CPAMD8: variants seen among roughly 807,000 people sequenced by gnomAD.
CPAMD8 encodes the protein C3 and PZP like alpha-2-macroglobulin domain containing 8, also known as C3 and PZP-like alpha-2-macroglobulin domain-containing protein 8.
CPAMD8 carries 146 observed loss-of-function variants against 224.7 expected under a neutral mutation model. That is an observed-to-expected ratio of 0.65 (90% CI 0.57 to 0.75). The LOEUF is 0.75. CPAMD8 is among the 30% of genes least tolerant of loss of function. The probability of loss-of-function intolerance (pLI) is 0.00; values close to 1 mark genes in which losing one functional copy is unlikely to be tolerated. For synonymous variants in CPAMD8, 966 were observed against 1,044.6 expected, an observed-to-expected ratio of 0.92 and a Z score of 1.45; for missense variants, 2,301 against 2,537.5, an observed-to-expected ratio of 0.91 and a Z score of 2.00.
At chr19:17,008,408 G>C in intron 7 of CPAMD8, 97 bp downstream of exon 7, 2 of 1,429,926 alleles carry the variant, frequency 1.4e-6, no homozygotes, top group Non-Finnish European at 1.9e-6. Flanking sequence ...AGCAGCAGTG[G>C]GGGTACATTA....
At chr19:16,894,506 C>A (rs544947582) in intron 41 of CPAMD8, 1 of 455,888 alleles carries the variant, frequency 2.2e-6, no homozygotes, top group Admixed American at 2.3e-5. Context: ...ACACCCCTTT[C>A]CTGAACCCAA....
chr19:16,974,301 G>A (rs1472120555), intron 17 of CPAMD8, among the ~76,000 whole-genome samples: 2 of 151,894 alleles, frequency 1.3e-5, no homozygotes, highest in Non-Finnish European at 2.9e-5. Flanking sequence ...TTTTAAGATG[G>A]GTAAACTGGA....
intron 27 of CPAMD8, among the ~76,000 whole-genome samples, chr19:16,920,053 G>A (rs556425898): frequency 6.6e-6 from 1 of 152,318 alleles, no homozygotes; most frequent in South Asian, 2.1e-4. Context: ...GGGTGCTGCT[G>A]CCACTGCCCT....
At chr19:16,981,981 G>T (rs960307168) in intron 13 of CPAMD8, among the ~76,000 whole-genome samples, 5 of 152,150 alleles carry the variant, frequency 3.3e-5, no homozygotes, top group African/African-American at 1.2e-4. Flanking sequence ...TCTGGCCAGG[G>T]GCCATGGCTC....
chr19:16,908,247 T>G (rs921194190), intron 29 of CPAMD8, among the ~76,000 whole-genome samples: 1 of 151,524 alleles, frequency 6.6e-6, no homozygotes, highest in Non-Finnish European at 1.5e-5. Context: ...TAATCCAAGC[T>G]ATTCAGAAGG....
rs2052379722 is a variant in CPAMD8 at position 16,904,237 on chromosome 19, A to G, written c.4240T>C (p.Ser1414Pro). Residue 1414 changes from serine (S) to proline (P), a missense_variant, in exon 32 of 42, where the codon TCC becomes CCC. Physicochemically the swap from Ser to Pro is moderately conservative, Grantham distance 74. Coordinates refer to ENST00000443236, the MANE Select transcript of CPAMD8 (RefSeq NM_015692.5). Reference sequence around the variant, plus strand: ...CCTGCCCGGCTCGCCTGAGTGGAGGAGAAGCCCCCAAGTGCATTTCGCTGC... The same window carrying G: ...CCTGCCCGGCTCGCCTGAGTGGAGGGGAAGCCCCCAAGTGCATTTCGCTGC... ...SQQRNALGGF[S>P]STQDTCVALQ... 1 of 1,338,600 alleles carries G rather than the reference A, an allele frequency of 7.5e-7. No individual in the cohort carries two copies. Among genetic ancestry groups the G allele is most frequent in the East Asian group, 4.9e-5 (1 of 20,552 alleles). 82.9% of individuals were successfully genotyped at this position (1,338,600 alleles called of 1,614,324 possible).
chr19:16,923,040 G>A (rs931444622), intron 26 of CPAMD8, among the ~76,000 whole-genome samples: 6 of 152,230 alleles, frequency 3.9e-5, no homozygotes, highest in Non-Finnish European at 5.9e-5. Context: ...GTCCCCAGGC[G>A]TGGGGGCTGC....
At chr19:16,973,064 G>A (rs1435301270) in intron 17 of CPAMD8, among the ~76,000 whole-genome samples, 1 of 152,070 alleles carries the variant, frequency 6.6e-6, no homozygotes, top group Admixed American at 6.6e-5. Flanking sequence ...AGCTACTCAG[G>A]AGGCTGAGGC....
chr19:17,001,496 G>A (rs989572265), intron 9 of CPAMD8, among the ~76,000 whole-genome samples: 23 of 151,834 alleles, frequency 1.5e-4, no homozygotes, highest in African/African-American at 5.6e-4. Context: ...TCTTTGGGGA[G>A]GGGAGACCCT....
chr19:16,956,335 C>G (rs2054471680), intron 19 of CPAMD8, among the ~76,000 whole-genome samples: 1 of 152,162 alleles, frequency 6.6e-6, no homozygotes, highest in Non-Finnish European at 1.5e-5. Flanking sequence ...TCAGCTTGGG[C>G]CCTACATTGA....
At position 16,929,200 on chromosome 19, in the gene CPAMD8, C is replaced by T. The variant is rs760087528; in HGVS notation, c.2886G>A (p.Gln962=). The stretch of plus-strand genomic sequence containing the variant: ...TGAGGCGCAGTGGCCGCTGCACATA[C>T]TGGAACTCATACTTGTTGGGGGTGG... The part of the protein sequence containing the change: ...HISTPNKYEF[Q]YVQRPLRLTR... Residue 962 remains glutamine (Q), a synonymous_variant, in exon 24 of 42, where the codon CAG becomes CAA. Transcript: ENST00000443236. The T allele has an allele frequency of 2.6e-5, 42 of 1,611,388 alleles. No individual in the cohort carries two copies. The South Asian group carries it at 4.6e-4, about 18-fold the overall frequency.
intron 26 of CPAMD8, among the ~76,000 whole-genome samples, chr19:16,922,362 G>A (rs558549802): frequency 1.3e-5 from 2 of 149,740 alleles, no homozygotes; most frequent in South Asian, 4.3e-4. Context: ...TGGAGTCCCT[G>A]GAACCGCAGC....
Position 16,914,407 on chromosome 19 carries a change from A to G in CPAMD8, c.3861+17T>C, listed in dbSNP as rs1599687081. 6.2e-7 allele frequency: 1 copy of G among 1,612,556 alleles called. No individual in the cohort carries two copies. Among genetic ancestry groups the G allele is most frequent in the Non-Finnish European group, 8.5e-7 (1 of 1,178,876 alleles). ...AGTGCCCAGCCCCGAGTCTCCCCAA[A>G]CCCCTTCTGTACTCACCTCTGAGGC... On this transcript the variant is annotated intron_variant, in intron 29 of 41. Transcript: ENST00000443236.
At chr19:16,937,899 C>T (rs545660934) in intron 23 of CPAMD8, among the ~76,000 whole-genome samples, 39 of 152,268 alleles carry the variant, frequency 2.6e-4, no homozygotes, top group Admixed American at 9.8e-4. Context: ...GTGATCCACC[C>T]GCCTCGGCCT....
intron 26 of CPAMD8, among the ~76,000 whole-genome samples, chr19:16,923,225 A>G (rs1343940512): frequency 6.6e-6 from 1 of 152,218 alleles, no homozygotes; most frequent in Non-Finnish European, 1.5e-5. Context: ...GTGGCGTGTG[A>G]GTAGGAGAAG....
At chr19:16,927,899 C>T in intron 25 of CPAMD8, 110 bp downstream of exon 25, 4 of 771,954 alleles carry the variant, frequency 5.2e-6, no homozygotes, top group Non-Finnish European at 9.0e-6. Flanking sequence ...TATGGGTGGA[C>T]ACCCCAAGAC....
At chr19:16,967,894 T>C (rs559597625) in intron 18 of CPAMD8, among the ~76,000 whole-genome samples, 3,097 of 16,486 alleles carry the variant, frequency 0.19, 331 homozygotes, top group African/African-American at 0.21. Flanking sequence ...CACACACATG[T>C]GTGTGTATAT....
intron 10 of CPAMD8, among the ~76,000 whole-genome samples, chr19:16,999,408 G>T (rs536467498): frequency 7.9e-5 from 12 of 151,492 alleles, no homozygotes; most frequent in Non-Finnish European, 1.5e-4. Flanking sequence ...GTGAAACCCC[G>T]TCTCTACTAA....
At chr19:16,991,136 A>T (rs2055935673) in intron 12 of CPAMD8, among the ~76,000 whole-genome samples, 2 of 152,026 alleles carry the variant, frequency 1.3e-5, no homozygotes, top group African/African-American at 4.8e-5. Flanking sequence ...AGCTCAGGTG[A>T]GCTTTCCTGC....
Sources: allele counts gnomAD v4.1 joint callset (sites outside exome capture counted in the v4.1 genomes callset), GRCh38; gene constraint gnomAD v4.1.1; transcripts MANE v1.5; gene names NCBI Gene and HGNC (gene_info 2026-07-23, HGNC 2026-07-21).